The following MYO9B variants were observed in gnomAD, a reference collection of about 807,000 sequenced individuals.
MYO9B encodes unconventional myosin-IXb.
A neutral mutation model predicts 229.5 loss-of-function variants in MYO9B; 71 were observed. That is an observed-to-expected ratio of 0.31 (90% CI 0.26 to 0.38). MYO9B has a LOEUF of 0.38. Ranked by LOEUF, MYO9B falls within the 10% of genes least tolerant of loss-of-function variation. The probability of loss-of-function intolerance (pLI) is 1.00; values close to 1 mark genes in which losing one functional copy is unlikely to be tolerated. For synonymous variants in MYO9B, 1,185 were observed against 1,235.8 expected (o/e 0.96, Z 0.86); for missense variants, 2,255 against 2,920.5 (o/e 0.77, Z 5.25).
At position 17,206,609 on chromosome 19, in the gene MYO9B, G is replaced by A. The variant is rs200848763; in HGVS notation, c.5387-70G>A. The A allele has an allele frequency of 3.3e-5, 46 of 1,401,430 alleles. 1 individual carries two copies. Among genetic ancestry groups the A allele is most frequent in the East Asian group, 3.0e-4 (12 of 40,154 alleles). 86.8% of individuals were successfully genotyped at this position (1,401,430 alleles called of 1,614,324 possible). A position where few individuals can be genotyped will look rare whatever the true frequency, so the allele number is the denominator to read the frequency against. ...GGATGGCACCTGTGCATCTCAGGTC[G>A]TGTTGGTGGGGACAACAGGCACCTT... On this transcript the variant is annotated intron_variant, in intron 33 of 39. Coordinates refer to ENST00000682292, the MANE Select transcript of MYO9B (RefSeq NM_004145.4).
chr19:17,145,355 T>G, intron 2 of MYO9B, 42 bp from the exon 3 acceptor site: 1 of 1,533,480 alleles, frequency 6.5e-7, no homozygotes. Context: ...AAAAAGAAAT[T>G]CCACCCTCCT....
intron 25 of MYO9B, 56 bp from the exon 26 acceptor site, chr19:17,200,583 C>A (rs1225579245): frequency 6.5e-7 from 1 of 1,540,092 alleles, no homozygotes; most frequent in Non-Finnish European, 8.8e-7. Flanking sequence ...CATAGGAGGT[C>A]CCCTGCATCC....
In MYO9B at chr19:17,194,656, G is replaced by A. The variant is rs2073021278; in HGVS notation, c.3229G>A (p.Ala1077Thr). ...TGCTGAGGAGGGCGGACAGGGTCAG[G>A]CGGCTGGAGGGCAGCAGGTAGCTGA... is the stretch of plus-strand genomic sequence containing the variant. ...AGAEEGGQGQ[A>T]AGGQQVAEQG... The change falls in exon 22 of 40, where the codon GCG becomes ACG. Residue 1077 changes from alanine (A) to threonine (T), a missense_variant. Coordinates refer to ENST00000682292, the MANE Select transcript of MYO9B (RefSeq NM_004145.4). 2 of 1,612,610 alleles carry A rather than the reference G, an allele frequency of 1.2e-6. No individual in the cohort carries two copies. The highest frequency in any genetic ancestry group is 2.2e-5 in the South Asian group (2 of 91,070).
At chr19:17,209,510 A>T (rs2073201606) in intron 35 of MYO9B, 76 bp from the exon 36 acceptor site, 1 of 1,480,698 alleles carries the variant, frequency 6.8e-7, no homozygotes, top group Non-Finnish European at 9.1e-7. Context: ...CCCAGGCACC[A>T]GCTAGCATCT....
Position 17,212,002 on chromosome 19 carries a change from G to A in MYO9B, c.6166G>A (p.Val2056Met). 1 of 1,604,356 alleles carries A rather than the reference G, an allele frequency of 6.2e-7. No homozygotes were observed. The highest frequency in any genetic ancestry group is 8.5e-7 in the Non-Finnish European group (1 of 1,176,228). Residue 2056 changes from valine to methionine, a missense_variant, in exon 40 of 40, where the codon GTG (valine) becomes ATG (methionine). By Grantham distance (21) the Val-to-Met change is conservative. Coordinates refer to ENST00000682292, the MANE Select transcript of MYO9B (RefSeq NM_004145.4). This position sits in a 1 kb window ranked among gnomAD's most constrained non-coding sequence, Gnocchi z 5.4. ...RRPSSFVTVR[V>M]KTPRRTPIMP... ...GCCGTCGTCCTTCGTAACGGTCAGA[G>A]TGAAGACCCCCCGGCGGACCCCCAT...
intron 11 of MYO9B, 48 bp downstream of exon 11, chr19:17,168,112 T>C: frequency 6.2e-7 from 1 of 1,602,710 alleles, no homozygotes; most frequent in Non-Finnish European, 8.5e-7. Context: ...GCATGGGCAC[T>C]GGGTCAGGTT....
intron 35 of MYO9B, among the ~76,000 whole-genome samples, 191 bp from the exon 36 acceptor site, chr19:17,209,395 G>C (rs2073200067): frequency 6.6e-6 from 1 of 152,230 alleles, no homozygotes; most frequent in African/African-American, 2.4e-5. Context: ...AGAGACAGGA[G>C]ACAGGCTCAA....
At position 17,134,866 on chromosome 19, in the gene MYO9B, C is replaced by T. The variant is rs576311326; in HGVS notation, c.841-10531C>T. On this transcript the variant is annotated intron_variant, in intron 2 of 39. Transcript: ENST00000682292. The stretch of plus-strand genomic sequence containing the variant: ...GCAACCTCCACCTCCTGGGTTCAGA[C>T]GATTCTCCTGCCTCAGCCTCCCAGG... Among the ~76,000 whole-genome samples, 17 of 152,218 alleles carry T rather than the reference C, an allele frequency of 1.1e-4. No individual in the cohort carries two copies. In the East Asian group the frequency reaches 1.3e-3, roughly 12 times the overall value.
In MYO9B at chr19:17,206,715, A is replaced by G. The variant is rs745412181; in HGVS notation, c.5423A>G (p.Tyr1808Cys). Residue 1808 changes from tyrosine to cysteine, a missense_variant, in exon 34 of 40, where the codon TAT becomes TGT. Tyr to Cys is a radical substitution (Grantham distance 194). Coordinates refer to ENST00000682292, the MANE Select transcript of MYO9B (RefSeq NM_004145.4). Reference sequence around the variant, plus strand: ...AAGCAGGAGCAGCTGGCTGCCATCTATGCCGTCCTGGAGCACCTTCCAGAA... The same window carrying G: ...AAGCAGGAGCAGCTGGCTGCCATCTGTGCCGTCCTGGAGCACCTTCCAGAA... ...PEKQEQLAAI[Y>C]AVLEHLPEAN... 1.1e-5 allele frequency: 18 copies of G among 1,587,740 alleles called. No individual in the cohort carries two copies. The highest frequency in any genetic ancestry group is 2.7e-5 in the African/African-American group (2 of 74,232).
chr19:17,151,722 G>T (rs1260497794), intron 3 of MYO9B, among the ~76,000 whole-genome samples: 1 of 152,124 alleles, frequency 6.6e-6, no homozygotes, highest in Non-Finnish European at 1.5e-5. Flanking sequence ...TTACAGACCA[G>T]CCTGGACAAC....
intron 2 of MYO9B, among the ~76,000 whole-genome samples, chr19:17,141,546 C>G (rs533246423): frequency 3.3e-5 from 5 of 149,346 alleles, no homozygotes; most frequent in African/African-American, 5.0e-5. Flanking sequence ...CAGCCCGCAT[C>G]CTGCTGGCCT....
intron 2 of MYO9B, among the ~76,000 whole-genome samples, chr19:17,121,235 G>A (rs1396261899): frequency 6.6e-6 from 1 of 152,054 alleles, no homozygotes; most frequent in East Asian, 1.9e-4. Flanking sequence ...CAGCCACGGC[G>A]CCTGGCCTGT....
intron 10 of MYO9B, among the ~76,000 whole-genome samples, chr19:17,166,805 C>T (rs1308021783): frequency 6.6e-6 from 1 of 152,148 alleles, no homozygotes; most frequent in African/African-American, 2.4e-5. Flanking sequence ...CCTCCAGCTC[C>T]ATCCATGTTC....
rs10425826 is a variant in MYO9B at position 17,175,151 on chromosome 19, T to A, written c.2141-512T>A. On this transcript the variant is annotated intron_variant, in intron 13 of 39. Transcript: ENST00000682292. Reference sequence around the variant, plus strand: ...AGTCATGTGTGTCAGCATGTGCCTGTAGCCCCAGCTACTTGGGAGGCTGAA... The same window carrying A: ...AGTCATGTGTGTCAGCATGTGCCTGAAGCCCCAGCTACTTGGGAGGCTGAA... 4.5e-3 allele frequency among the ~76,000 whole-genome samples: 690 copies of A among 151,664 alleles called. 10 individuals carry two copies. Among genetic ancestry groups the A allele is most frequent in the African/African-American group, 0.016 (670 of 41,344 alleles).
At chr19:17,207,034 T>C in intron 34 of MYO9B, 79 bp from the exon 35 acceptor site, 1 of 1,547,674 alleles carries the variant, frequency 6.5e-7, no homozygotes, top group Non-Finnish European at 8.8e-7. Flanking sequence ...ACCCCAGGGC[T>C]CAGAAGTTCA....
intron 36 of MYO9B, 134 bp from the exon 37 acceptor site, chr19:17,210,199 A>T: frequency 1.2e-6 from 1 of 822,688 alleles, no homozygotes; most frequent in Non-Finnish European, 1.9e-6. Context: ...GGGGTGTGTT[A>T]GTGGGGAACG....
intron 18 of MYO9B, among the ~76,000 whole-genome samples, chr19:17,186,801 G>A (rs527641273): frequency 1.3e-5 from 2 of 152,046 alleles, no homozygotes; most frequent in Non-Finnish European, 2.9e-5. Flanking sequence ...TGCGATCTCG[G>A]CTCACTGCAG....
chr19:17,134,377 G>GTTTTTTT (rs1568267173), intron 2 of MYO9B, among the ~76,000 whole-genome samples: 19 of 39,724 alleles, frequency 4.8e-4, no homozygotes, highest in African/African-American at 1.6e-3. Flanking sequence ...TTTTCGTTTT[G>GTTTTTTT]TTTGTTTTTT....
rs1461261551 is a variant in MYO9B, at chr19:17,213,161, C to G, written c.*851C>G. On this transcript the variant is annotated 3_prime_UTR_variant, in exon 40 of 40. Coordinates refer to ENST00000682292, the MANE Select transcript of MYO9B (RefSeq NM_004145.4). ...CTCCCTATAGGTCAACAGGGACAACCTGGGGATCTCTGGAGCAGGGCCCTC... is the reference window on the plus strand; with the variant it reads ...CTCCCTATAGGTCAACAGGGACAACGTGGGGATCTCTGGAGCAGGGCCCTC... 2 of 152,324 alleles carry G rather than the reference C, an allele frequency of 1.3e-5. No homozygotes were observed. Among genetic ancestry groups the G allele is most frequent in the African/African-American group, 4.8e-5 (2 of 41,478 alleles). The allele number at this position is 152,324 out of a possible 1,614,324, so 9.4% of individuals were successfully genotyped here. A position where few individuals can be genotyped will look rare whatever the true frequency, so the allele number is the denominator to read the frequency against.
Sources: allele counts gnomAD v4.1 joint callset (sites outside exome capture counted in the v4.1 genomes callset), GRCh38; gene constraint gnomAD v4.1.1; non-coding constraint Gnocchi (gnomAD v3.1); transcripts MANE v1.5; gene names NCBI Gene and HGNC (gene_info 2026-07-23, HGNC 2026-07-21).